The following EXOC4 variants were observed in gnomAD, a reference collection of about 807,000 sequenced individuals.
The protein encoded by EXOC4 is exocyst complex component 4.
In EXOC4, 71 loss-of-function variants were observed where a neutral mutation model predicts 107.2. The ratio of observed to expected loss-of-function variants is 0.66; its 90% CI spans 0.55 to 0.81. EXOC4 has a LOEUF of 0.81. Among genes scored for constraint, EXOC4 ranks in the 30% least tolerant of loss-of-function variants. The pLI, the probability that EXOC4 is intolerant of heterozygous loss-of-function variation, is 0.00. For missense variants in EXOC4, 1,108 were observed against 1,189.6 expected, an observed-to-expected ratio of 0.93 and a Z score of 1.01; for synonymous variants, 456 against 441.2, an observed-to-expected ratio of 1.03 and a Z score of -0.42.
At chr7:133,751,344 A>G (rs1453013918) in intron 10 of EXOC4, among the ~76,000 whole-genome samples, 1 of 152,188 alleles carries the variant, frequency 6.6e-6, no homozygotes. Flanking sequence ...GAAATCTACA[A>G]ATCCAATTAG....
At chr7:133,818,647 G>T (rs888589068) in intron 11 of EXOC4, among the ~76,000 whole-genome samples, 1 of 152,152 alleles carries the variant, frequency 6.6e-6, no homozygotes, top group African/African-American at 2.4e-5. Context: ...TGGGTGCAGA[G>T]AAGGGGGAAT....
chr7:133,529,605 G>T (rs533497970), intron 9 of EXOC4, among the ~76,000 whole-genome samples: 1 of 152,226 alleles, frequency 6.6e-6, no homozygotes, highest in East Asian at 1.9e-4. Context: ...TGTGAAGCAG[G>T]TATTCATATC....
At chr7:133,586,913 C>G (rs1585015269) in intron 9 of EXOC4, among the ~76,000 whole-genome samples, 1 of 152,132 alleles carries the variant, frequency 6.6e-6, no homozygotes, top group Admixed American at 6.5e-5. Context: ...TCACTGCAAC[C>G]TCTGCCTCCC....
chr7:133,438,106 A>T (rs1382919563), intron 7 of EXOC4, among the ~76,000 whole-genome samples: 1 of 152,210 alleles, frequency 6.6e-6, no homozygotes, highest in South Asian at 2.1e-4. Context: ...TATTTAGTTC[A>T]GATCTGTCTT....
At chr7:133,502,697 TTG>T (rs551243155) in intron 9 of EXOC4, among the ~76,000 whole-genome samples, 271 of 152,240 alleles carry the variant, frequency 1.8e-3, no homozygotes, top group Non-Finnish European at 2.5e-3. Context: ...AACCGCAGGT[TTG>T]CTGTAAAACA....
chr7:133,367,407 C>T (rs1447019664), intron 6 of EXOC4, among the ~76,000 whole-genome samples: 2 of 152,030 alleles, frequency 1.3e-5, no homozygotes, highest in African/African-American at 2.4e-5. Flanking sequence ...AAACAAGTGC[C>T]GCGGCTATTT....
At chr7:133,809,517 A>G (rs565806276) in intron 10 of EXOC4, among the ~76,000 whole-genome samples, 107 of 152,318 alleles carry the variant, frequency 7.0e-4, no homozygotes, top group African/African-American at 2.5e-3. Context: ...TAAGGATGGT[A>G]CATCTCTGCA....
At chr7:133,914,058 G>A (rs1337407668) in intron 12 of EXOC4, among the ~76,000 whole-genome samples, 1 of 152,178 alleles carries the variant, frequency 6.6e-6, no homozygotes, top group Non-Finnish European at 1.5e-5. Flanking sequence ...CTCTTGGGTT[G>A]GTGGAGCAAT....
rs1013311611 is a variant in EXOC4 at position 133,881,261 on chromosome 7, T to C, written c.1735-14338T>C. Among the ~76,000 whole-genome samples, 9 of 151,824 alleles carry C rather than the reference T, an allele frequency of 5.9e-5. No homozygotes were observed. In the East Asian group the frequency reaches 1.6e-3, roughly 26 times the overall value. On this transcript the variant is annotated intron_variant, in intron 11 of 17. Transcript: ENST00000253861. ...GCCCTCCCACCTGATCACGCATACATACCCCCCCAACCCCACTCCCCCACA... is the reference window on the plus strand; with the variant it reads ...GCCCTCCCACCTGATCACGCATACACACCCCCCCAACCCCACTCCCCCACA...
intron 7 of EXOC4, among the ~76,000 whole-genome samples, chr7:133,416,558 A>G (rs1797478881): frequency 6.6e-6 from 1 of 152,206 alleles, no homozygotes; most frequent in East Asian, 1.9e-4. Context: ...TTTATCCAGC[A>G]TGGAGAGACT....
intron 9 of EXOC4, among the ~76,000 whole-genome samples, chr7:133,554,788 C>G (rs1420365216): frequency 6.6e-6 from 1 of 152,114 alleles, no homozygotes; most frequent in Non-Finnish European, 1.5e-5. Flanking sequence ...TTTATGTCTC[C>G]AACTAGACTG....
chr7:133,947,518 G>A (rs1424485001), intron 14 of EXOC4, among the ~76,000 whole-genome samples: 2 of 152,178 alleles, frequency 1.3e-5, no homozygotes, highest in Non-Finnish European at 2.9e-5. Context: ...GGCACCTTTT[G>A]TTCTTCAAAA....
intron 11 of EXOC4, among the ~76,000 whole-genome samples, chr7:133,842,956 G>A (rs1038044976): frequency 6.6e-6 from 1 of 152,134 alleles, no homozygotes; most frequent in African/African-American, 2.4e-5. Context: ...TTGTCAGTCA[G>A]ATGGTTGTAG....
intron 9 of EXOC4, among the ~76,000 whole-genome samples, chr7:133,571,700 T>C (rs1210579514): frequency 6.6e-6 from 1 of 150,386 alleles, no homozygotes; most frequent in Non-Finnish European, 1.5e-5. Context: ...AAAAAAAGAT[T>C]AATTTTCTCA....
intron 9 of EXOC4, among the ~76,000 whole-genome samples, chr7:133,602,694 T>G (rs1045071263): frequency 6.6e-6 from 1 of 152,188 alleles, no homozygotes; most frequent in South Asian, 2.1e-4. Flanking sequence ...AGATTATGGA[T>G]GAACAGATTG....
chr7:133,817,220 C>T (rs1425804263), intron 10 of EXOC4, 105 bp from the exon 11 acceptor site: 2 of 730,660 alleles, frequency 2.7e-6, no homozygotes, highest in Non-Finnish European at 4.7e-6. Context: ...ATGACCTGCC[C>T]TCTTCACAGA....
Position 133,630,338 on chromosome 7 carries a change from G to A in EXOC4, c.1514+197G>A, listed in dbSNP as rs1802560159. On this transcript the variant is annotated intron_variant, in intron 10 of 17. Coordinates refer to ENST00000253861, the MANE Select transcript of EXOC4 (RefSeq NM_021807.4). ...ACTGAGTAGCTACTTATTTTCAGGAGTAAATACTTTTATTTGATTTTCTTT... is the reference window on the plus strand; with the variant it reads ...ACTGAGTAGCTACTTATTTTCAGGAATAAATACTTTTATTTGATTTTCTTT... The A allele has an allele frequency of 1.4e-5, 7 of 513,798 alleles. No individual in the cohort carries two copies. In the South Asian group the frequency reaches 2.5e-4, roughly 18 times the overall value. 31.8% of individuals were successfully genotyped at this position (513,798 alleles called of 1,614,324 possible). A position where few individuals can be genotyped will look rare whatever the true frequency, so the allele number is the denominator to read the frequency against.
the EXOC4 span, among the ~76,000 whole-genome samples, chr7:134,081,545 C>T: frequency 1.3e-5 from 2 of 152,156 alleles, no homozygotes; most frequent in African/African-American, 4.8e-5. Flanking sequence ...CTTTTGTTCT[C>T]TGTAGCCCCG....
intron 11 of EXOC4, among the ~76,000 whole-genome samples, chr7:133,823,862 TATATATATATTATATATA>T (rs1476064283): frequency 2.2e-4 from 5 of 22,394 alleles, no homozygotes; most frequent in Non-Finnish European, 2.8e-4. Flanking sequence ...TATATATATA[TATATATATATTATATATA>T]TATATATATA....
Sources: gnomAD v4.1 joint callset for allele counts (sites outside exome capture counted in the v4.1 genomes callset) on GRCh38, gnomAD v4.1.1 for gene constraint, MANE v1.5 for transcripts, NCBI Gene and HGNC (gene_info 2026-07-23, HGNC 2026-07-21) for gene names.